KLF8: variants seen among roughly 807,000 people sequenced by gnomAD.
The protein encoded by KLF8 is KLF transcription factor 8.
KLF8 carries 10 observed loss-of-function variants against 18.2 expected under a neutral mutation model. The ratio of observed to expected loss-of-function variants is 0.55; its 90% CI spans 0.34 to 0.93. The LOEUF (loss-of-function observed/expected upper bound fraction) is 0.93, where lower values mean the gene tolerates loss of function less well. Among genes scored for constraint, KLF8 ranks in the 40% least tolerant of loss-of-function variants. KLF8 has a pLI of 0.02. For missense variants in KLF8, 264 were observed against 277.9 expected (o/e 0.95, Z 0.36); for synonymous variants, 109 against 97.3 (o/e 1.12, Z -0.71).
the KLF8 span, among the ~76,000 whole-genome samples, chrX:55,921,539 A>T: frequency 9.1e-6 from 1 of 110,161 alleles, no homozygotes; most frequent in Non-Finnish European, 1.9e-5. Flanking sequence ...AGGCAATACC[A>T]TTCAGGGCAT....
At chrX:56,185,856 A>C in the KLF8 span, among the ~76,000 whole-genome samples, 5 of 111,816 alleles carry the variant, frequency 4.5e-5, no homozygotes, top group Non-Finnish European at 7.5e-5. Flanking sequence ...GCCTGCCCTA[A>C]AAGAGATCCT....
the KLF8 span, among the ~76,000 whole-genome samples, chrX:56,047,023 C>T: frequency 1.9e-4 from 21 of 110,261 alleles, no homozygotes; most frequent in Non-Finnish European, 3.4e-4. Flanking sequence ...GGACATTTAA[C>T]ATAGTCCGAA....
At chrX:56,242,277 G>C (rs1298081425) in intron 1 of KLF8, among the ~76,000 whole-genome samples, 1 of 112,250 alleles carries the variant, frequency 8.9e-6, no homozygotes, top group African/African-American at 3.2e-5. Flanking sequence ...GGCTATGCAG[G>C]TGATATTGTA....
the KLF8 span, among the ~76,000 whole-genome samples, chrX:56,144,787 G>GGTGT: frequency 2.5e-5 from 1 of 39,811 alleles, no homozygotes; most frequent in African/African-American, 1.0e-4. Flanking sequence ...AAAAGAAGTT[G>GGTGT]GTGTTTGTTT....
the KLF8 span, among the ~76,000 whole-genome samples, chrX:56,180,475 T>C: frequency 1.1e-4 from 12 of 111,439 alleles, no homozygotes; most frequent in Non-Finnish European, 1.9e-4. Context: ...AGTTCTGCCC[T>C]GATCTTAGTT....
chrX:56,172,921 T>C, the KLF8 span, among the ~76,000 whole-genome samples: 1 of 112,272 alleles, frequency 8.9e-6, no homozygotes, highest in African/African-American at 3.2e-5. Context: ...GAAGTGTCTG[T>C]CCATGTCCTT....
chrX:56,046,445 G>C, the KLF8 span, among the ~76,000 whole-genome samples: 1 of 110,872 alleles, frequency 9.0e-6, no homozygotes, highest in Non-Finnish European at 1.9e-5. Context: ...TTTATTCATT[G>C]TGCTATTTGT....
chrX:56,185,030 T>A, the KLF8 span, among the ~76,000 whole-genome samples: 2 of 112,790 alleles, frequency 1.8e-5, no homozygotes, highest in African/African-American at 6.4e-5. Flanking sequence ...CGGAGAATGA[T>A]TTTGACGAGG....
the KLF8 span, among the ~76,000 whole-genome samples, chrX:55,945,419 T>C: frequency 2.7e-5 from 3 of 111,384 alleles, no homozygotes; most frequent in Non-Finnish European, 5.7e-5. Flanking sequence ...CTGTCTAATG[T>C]TGACAGTGGG....
chrX:56,018,833 C>T, the KLF8 span, among the ~76,000 whole-genome samples: 4 of 110,167 alleles, frequency 3.6e-5, no homozygotes, highest in South Asian at 1.5e-3. Flanking sequence ...AAGAGATTGA[C>T]AGGAAGAAGG....
chrX:55,941,409 T>TA, the KLF8 span, among the ~76,000 whole-genome samples: 4 of 111,576 alleles, frequency 3.6e-5, no homozygotes, highest in Non-Finnish European at 5.7e-5. Flanking sequence ...CCTAAAACCA[T>TA]AAAAACCCTA....
chrX:55,987,174 G>C, the KLF8 span, among the ~76,000 whole-genome samples: 2 of 54,458 alleles, frequency 3.7e-5, no homozygotes, highest in South Asian at 2.2e-3. Flanking sequence ...AGTTCTGTTT[G>C]AAGTTTCTTT....
At position 56,290,894 on chromosome X, in the gene KLF8, A is replaced by G. The variant is rs1430084415; in HGVS notation, c.*6400A>G. ...GGTGTTGGGGTGGGGTCAGGGGAAG[A>G]GATACTATTTTGTTAACTGTTAAAA... On this transcript the variant is annotated 3_prime_UTR_variant, in exon 6 of 6. Transcript: ENST00000468660. 9.0e-6 allele frequency among the ~76,000 whole-genome samples: 1 copy of G among 111,441 alleles called. No homozygotes were observed. Among genetic ancestry groups the G allele is most frequent in the East Asian group, 2.8e-4 (1 of 3,550 alleles).
At chrX:56,036,616 T>A in the KLF8 span, among the ~76,000 whole-genome samples, 6 of 112,297 alleles carry the variant, frequency 5.3e-5, no homozygotes, top group Admixed American at 9.5e-5. Context: ...GCAGTGTGCT[T>A]CCTGCAGCCT....
chrX:56,162,222 C>T, the KLF8 span, among the ~76,000 whole-genome samples: 2 of 112,178 alleles, frequency 1.8e-5, no homozygotes, highest in Non-Finnish European at 3.8e-5. Flanking sequence ...GGGTCATGGA[C>T]CCACTTGCGG....
the KLF8 span, among the ~76,000 whole-genome samples, chrX:56,132,937 A>T: frequency 9.0e-6 from 1 of 111,521 alleles, no homozygotes; most frequent in Admixed American, 9.5e-5. Context: ...AATTCCTGGA[A>T]ATATACAACC....
chrX:55,949,796 AAAAAGAAAAG>A, the KLF8 span, among the ~76,000 whole-genome samples: 2 of 110,308 alleles, frequency 1.8e-5, no homozygotes, highest in Non-Finnish European at 3.8e-5. Flanking sequence ...TTTCAAAAAA[AAAAAGAAAAG>A]AAAAGAAAAG....
chrX:55,968,116 C>T, the KLF8 span, among the ~76,000 whole-genome samples: 1 of 110,891 alleles, frequency 9.0e-6, no homozygotes, highest in African/African-American at 3.3e-5. Context: ...CACTATAGAC[C>T]AAATGTGTCT....
the KLF8 span, among the ~76,000 whole-genome samples, chrX:55,926,612 G>A: frequency 1.8e-5 from 2 of 110,753 alleles, no homozygotes; most frequent in South Asian, 3.8e-4. Context: ...CTTGGGATCA[G>A]GCCCTAGGGT....
Sources: gnomAD v4.1 joint callset for allele counts (sites outside exome capture counted in the v4.1 genomes callset) on GRCh38, gnomAD v4.1.1 for gene constraint, MANE v1.5 for transcripts, NCBI Gene and HGNC (gene_info 2026-07-23, HGNC 2026-07-21) for gene names.